GFRA2: variants seen among roughly 807,000 people sequenced by gnomAD.
GFRA2 encodes GDNF family receptor alpha-2.
A neutral mutation model predicts 48.3 loss-of-function variants in GFRA2; 17 were observed. The ratio of observed to expected loss-of-function variants is 0.35; its 90% CI spans 0.24 to 0.53. The LOEUF (loss-of-function observed/expected upper bound fraction) is 0.53. GFRA2 is among the 20% of genes least tolerant of loss of function. The pLI, the probability that GFRA2 is intolerant of heterozygous loss-of-function variation, is 0.93. For synonymous variants in GFRA2, 305 were observed against 257.2 expected (o/e 1.19, Z -1.78); for missense variants, 660 against 637.3 (o/e 1.04, Z -0.38).
intron 1 of GFRA2, among the ~76,000 whole-genome samples, chr8:21,805,772 T>C (rs1239741185): frequency 6.6e-6 from 1 of 152,214 alleles, no homozygotes; most frequent in Admixed American, 6.5e-5. Context: ...AGTCAGTGGC[T>C]GGACATGACT....
intron 1 of GFRA2, among the ~76,000 whole-genome samples, chr8:21,784,667 A>T (rs1161616401): frequency 2.0e-5 from 3 of 152,320 alleles, no homozygotes; most frequent in Admixed American, 6.5e-5. Flanking sequence ...GGCCTGGGGT[A>T]CAGAAGGCTT....
chr8:21,708,192 C>T (rs1013296931), intron 4 of GFRA2, among the ~76,000 whole-genome samples: 17 of 152,332 alleles, frequency 1.1e-4, no homozygotes, highest in East Asian at 5.8e-4. Context: ...CCACAGGAAA[C>T]GAGGAGGAAA....
chr8:21,780,606 C>T (rs374424088), intron 2 of GFRA2, among the ~76,000 whole-genome samples: 2,628 of 152,278 alleles, frequency 0.017, 64 homozygotes, highest in African/African-American at 0.05. Context: ...TCTAGACCTG[C>T]ACATCTGCAG....
chr8:21,790,171 G>A (rs1807525935), upstream of GFRA2: 1 of 869,264 alleles, frequency 1.2e-6, no homozygotes, highest in South Asian at 5.3e-5. Flanking sequence ...CTGCGGTCAC[G>A]TTCCGGCGAG....
Position 21,782,889 on chromosome 8 carries a change from G to C in GFRA2, c.51C>G (p.Leu17=). Residue 17 remains leucine (L), a synonymous_variant, in exon 2 of 9, where the codon CTC becomes CTG. Coordinates refer to ENST00000524240, the MANE Select transcript of GFRA2 (RefSeq NM_001495.5). ...GGGAGGAAGGGCTGGCCAAAGAGCG[G>C]AGGGTCTCGTCTGGGTGGTGGGGAG... ...FCLFFFLDET[L]RSLASPSSLQ... The C allele has an allele frequency of 6.4e-7, 1 of 1,556,804 alleles. No homozygotes were observed. The highest frequency in any genetic ancestry group is 1.2e-5 in the South Asian group (1 of 85,592).
intron 4 of GFRA2, among the ~76,000 whole-genome samples, chr8:21,739,545 G>A (rs1329803692): frequency 6.6e-6 from 1 of 152,192 alleles, no homozygotes; most frequent in Non-Finnish European, 1.5e-5. Flanking sequence ...CTACCTGCAT[G>A]AGGCCTCTGA....
chr8:21,695,106 G>GC (rs1036139227), intron 7 of GFRA2, among the ~76,000 whole-genome samples: 2 of 152,192 alleles, frequency 1.3e-5, no homozygotes, highest in African/African-American at 4.8e-5. Context: ...AACTGCACCA[G>GC]CCCATTTCTG....
At chr8:21,712,606 G>A (rs1803108902) in intron 4 of GFRA2, among the ~76,000 whole-genome samples, 1 of 149,734 alleles carries the variant, frequency 6.7e-6, no homozygotes, top group Admixed American at 6.6e-5. Flanking sequence ...AGACGGGGTG[G>A]CGGCCGGGCA....
chr8:21,721,557 T>C (rs1803595745), intron 4 of GFRA2, among the ~76,000 whole-genome samples: 1 of 152,180 alleles, frequency 6.6e-6, no homozygotes, highest in Non-Finnish European at 1.5e-5. Context: ...TCTCCATGCC[T>C]AAGTGGCTGT....
chr8:21,692,243 AG>A lies in GFRA2; in HGVS notation c.*1034del, dbSNP rs1211609890. On this transcript the variant is annotated 3_prime_UTR_variant, in exon 9 of 9. Transcript: ENST00000524240. Reference sequence around the variant, plus strand: ...TTTGTTGCTTAAAAAAAGGAAAGAAAGGGGAAACCACACAATATATGTATAT... The same window carrying A: ...TTTGTTGCTTAAAAAAAGGAAAGAAAGGGAAACCACACAATATATGTATAT... 6.6e-6 allele frequency: 1 copy of A among 152,502 alleles called. No individual in the cohort carries two copies. Among genetic ancestry groups the A allele is most frequent in the African/African-American group, 2.4e-5 (1 of 41,458 alleles). 9.4% of individuals were successfully genotyped at this position (152,502 alleles called of 1,614,324 possible). A position where few individuals can be genotyped will look rare whatever the true frequency, so the allele number is the denominator to read the frequency against.
chr8:21,697,144 G>C (rs1563211858), intron 7 of GFRA2, among the ~76,000 whole-genome samples: 1 of 118,888 alleles, frequency 8.4e-6, no homozygotes, highest in African/African-American at 3.1e-5. Context: ...GGGGACAGAG[G>C]GAGAGGGGAA....
chr8:21,697,812 T>G lies in GFRA2; in HGVS notation c.1219-3295A>C, dbSNP rs148167419. Among the ~76,000 whole-genome samples, 84 of 152,114 alleles carry G rather than the reference T, an allele frequency of 5.5e-4. 1 individual carries two copies. In the East Asian group the frequency reaches 0.016, roughly 29 times the overall value. ...GTGGTAGTGAGTAAGTCCCATGAGATCTGATGGTTTTATAGATGGGAATTC... is the reference window on the plus strand; with the variant it reads ...GTGGTAGTGAGTAAGTCCCATGAGAGCTGATGGTTTTATAGATGGGAATTC... On this transcript the variant is annotated intron_variant, in intron 7 of 8. Transcript: ENST00000524240.
intron 8 of GFRA2, 113 bp downstream of exon 8, chr8:21,694,351 G>T: frequency 9.7e-7 from 1 of 1,034,402 alleles, no homozygotes; most frequent in Middle Eastern, 2.2e-4. Flanking sequence ...AAGCTCAGCT[G>T]GCCCAGCCCA....
chr8:21,793,474 A>G (rs964331975), upstream of GFRA2, among the ~76,000 whole-genome samples: 1 of 152,204 alleles, frequency 6.6e-6, no homozygotes, highest in Non-Finnish European at 1.5e-5. Context: ...CAAAGTGACC[A>G]GCCTAGCGGC....
intron 7 of GFRA2, among the ~76,000 whole-genome samples, chr8:21,701,081 C>A (rs1402370279): frequency 2.6e-5 from 4 of 152,244 alleles, no homozygotes; most frequent in African/African-American, 9.6e-5. Context: ...CAGCTCCCAG[C>A]ATGGGATAGC....
At chr8:21,697,445 A>G (rs1305009383) in intron 7 of GFRA2, among the ~76,000 whole-genome samples, 1 of 152,012 alleles carries the variant, frequency 6.6e-6, no homozygotes, top group Non-Finnish European at 1.5e-5. Context: ...CATCTGCCCC[A>G]AGGTGTGGTC....
At chr8:21,772,681 G>C (rs1337908346) in intron 3 of GFRA2, among the ~76,000 whole-genome samples, 1 of 152,338 alleles carries the variant, frequency 6.6e-6, no homozygotes, top group African/African-American at 2.4e-5. Flanking sequence ...CCCAGAGTTT[G>C]CGTGGGGCCC....
At chr8:21,804,322 T>C (rs981080490) in intron 2 of GFRA2, among the ~76,000 whole-genome samples, 9 of 152,082 alleles carry the variant, frequency 5.9e-5, no homozygotes, top group Non-Finnish European at 1.3e-4. Flanking sequence ...TTCACCTCTC[T>C]GAACTTCAAT....
chr8:21,750,672 A>G lies in GFRA2; in HGVS notation c.710T>C (p.Ile237Thr). 6.2e-7 allele frequency: 1 copy of G among 1,613,798 alleles called. No homozygotes were observed. Among genetic ancestry groups the G allele is most frequent in the South Asian group, 1.1e-5 (1 of 91,074 alleles). ...QACAERRRQT[I>T]LPSCSYEDKE... ...GTCCTCATAGGAGCAGCTGGGCAGGATGGTTTGCCGGCGGCGCTCAGCGCA... is the reference window on the plus strand; with the variant it reads ...GTCCTCATAGGAGCAGCTGGGCAGGGTGGTTTGCCGGCGGCGCTCAGCGCA... The change falls in exon 4 of 9, where the codon ATC becomes ACC. Residue 237 changes from isoleucine (I) to threonine (T), a missense_variant. Coordinates refer to ENST00000524240, the MANE Select transcript of GFRA2 (RefSeq NM_001495.5). The surrounding 1 kb of genome is among the most constrained non-coding windows in gnomAD (Gnocchi z 5.7).
Sources: gnomAD v4.1 joint callset for allele counts (sites outside exome capture counted in the v4.1 genomes callset) on GRCh38, gnomAD v4.1.1 for gene constraint, Gnocchi (gnomAD v3.1) non-coding constraint, MANE v1.5 for transcripts, NCBI Gene and HGNC (gene_info 2026-07-23, HGNC 2026-07-21) for gene names.